The following NUDT19 variants were observed in gnomAD, a reference collection of about 807,000 sequenced individuals.
NUDT19 encodes nudix hydrolase 19.
Under a neutral mutation model 22.2 loss-of-function variants are expected in NUDT19, and 31 were observed. The ratio of observed to expected loss-of-function variants is 1.40; its 90% CI spans 1.05 to 1.89. The LOEUF (loss-of-function observed/expected upper bound fraction) is 1.89, where lower values mean the gene tolerates loss of function less well. Ranked by LOEUF, NUDT19 falls within the 40% of genes most tolerant of loss-of-function variation. NUDT19 has a pLI of 0.00. For missense variants in NUDT19, 752 were observed against 514.2 expected, an observed-to-expected ratio of 1.46 and a Z score of -4.47; for synonymous variants, 325 against 230.8, an observed-to-expected ratio of 1.41 and a Z score of -3.70.
chr19:32,701,721 T>A (rs946337648), intron 1 of NUDT19, among the ~76,000 whole-genome samples: 3 of 152,246 alleles, frequency 2.0e-5, no homozygotes, highest in Admixed American at 2.0e-4. Flanking sequence ...AATATCCTTC[T>A]TTATTCCTGG....
intron 1 of NUDT19, among the ~76,000 whole-genome samples, chr19:32,696,236 T>G (rs1218847402): frequency 6.6e-6 from 1 of 152,136 alleles, no homozygotes; most frequent in Non-Finnish European, 1.5e-5. Flanking sequence ...GCCATAAACT[T>G]CCTTTGGCAC....
At chr19:32,702,394 T>C (rs1462612400) in intron 1 of NUDT19, among the ~76,000 whole-genome samples, 1 of 152,170 alleles carries the variant, frequency 6.6e-6, no homozygotes, top group Non-Finnish European at 1.5e-5. Flanking sequence ...CGGACTAGGC[T>C]GCCTTCAGCC....
At position 32,692,348 on chromosome 19, in the gene NUDT19, C is replaced by G. The variant is rs749977972; in HGVS notation, c.388C>G (p.Arg130Gly). 2 of 1,590,552 alleles carry G rather than the reference C, an allele frequency of 1.3e-6. No individual in the cohort carries two copies. The highest frequency in any genetic ancestry group is 1.7e-6 in the Non-Finnish European group (2 of 1,176,370). ...EDVAFRICAV[R>G]EAFEEAGVLL... ...CGTAGCCTTCCGCATCTGCGCCGTG[C>G]GGGAGGCCTTTGAGGAGGCGGGCGT... Residue 130 changes from arginine to glycine, a missense_variant, in exon 1 of 3, where the codon CGG becomes GGG. Transcript: ENST00000397061.
chr19:32,699,448 C>G (rs1968307135), intron 1 of NUDT19, among the ~76,000 whole-genome samples: 1 of 152,124 alleles, frequency 6.6e-6, no homozygotes, highest in Non-Finnish European at 1.5e-5. Flanking sequence ...CGCTGTCGAC[C>G]CTCGGCTCAG....
Position 32,692,565 on chromosome 19 carries a change from C to T in NUDT19, c.605C>T (p.Thr202Ile). The change falls in exon 1 of 3, where the codon ACC (threonine) becomes ATC (isoleucine). Residue 202 changes from threonine (T) to isoleucine (I), a missense_variant. Transcript: ENST00000397061. ...CTGCACAACTGGAGCGCCTGGCTCA[C>T]CCCTTTCTTGCGGGGCACCACTCGC... ...WALHNWSAWL[T>I]PFLRGTTRRF... The T allele has an allele frequency of 6.3e-7, 1 of 1,597,460 alleles. No homozygotes were observed. Among genetic ancestry groups the T allele is most frequent in the Non-Finnish European group, 8.5e-7 (1 of 1,173,960 alleles).
chr19:32,701,178 G>T (rs544785946), intron 1 of NUDT19, among the ~76,000 whole-genome samples: 1 of 144,194 alleles, frequency 6.9e-6, no homozygotes. Flanking sequence ...ATTAGGTTGA[G>T]TTGTTCATAG....
Position 32,701,638 on chromosome 19 carries a change from C to T in NUDT19, c.715-7547C>T, listed in dbSNP as rs930488717. ...TTTGGCTTCATGTATTTTGAAGCTC[C>T]CATGTAAGGTACTGACTGTATCTAC... On this transcript the variant is annotated intron_variant, in intron 1 of 2. Transcript: ENST00000397061. Among the ~76,000 whole-genome samples the T allele has an allele frequency of 1.6e-3, 240 of 152,126 alleles. 2 individuals carry two copies. Among genetic ancestry groups the T allele is most frequent in the African/African-American group, 5.6e-3 (231 of 41,412 alleles).
At chr19:32,702,148 G>A (rs1240313868) in intron 1 of NUDT19, among the ~76,000 whole-genome samples, 2 of 152,108 alleles carry the variant, frequency 1.3e-5, no homozygotes, top group African/African-American at 4.8e-5. Flanking sequence ...AAAAAGTTGC[G>A]ACCTGGGCCT....
intron 1 of NUDT19, among the ~76,000 whole-genome samples, chr19:32,697,195 A>C (rs567361975): frequency 6.6e-6 from 1 of 151,976 alleles, no homozygotes; most frequent in African/African-American, 2.4e-5. Flanking sequence ...CGGCCTTTCT[A>C]TTATCTCACT....
At position 32,694,363 on chromosome 19, in the gene NUDT19, C is replaced by G. The variant is rs147190066; in HGVS notation, c.714+1689C>G. Among the ~76,000 whole-genome samples, 677 of 152,340 alleles carry G rather than the reference C, an allele frequency of 4.4e-3. 4 individuals are homozygous for G. Among genetic ancestry groups the G allele is most frequent in the African/African-American group, 0.016 (656 of 41,588 alleles). ...CCTCCTTTCTCAGCAGTGAGGAGGT[C>G]TAGGCCTCGGGGGTTTTGGAGAGTC... On this transcript the variant is annotated intron_variant, in intron 1 of 2. Coordinates refer to ENST00000397061, the MANE Select transcript of NUDT19 (RefSeq NM_001105570.2).
chr19:32,698,732 C>T (rs780202959), intron 1 of NUDT19, among the ~76,000 whole-genome samples: 41 of 152,318 alleles, frequency 2.7e-4, no homozygotes, highest in African/African-American at 8.4e-4. Flanking sequence ...TTTCGTGGCC[C>T]TTACCAACAC....
intron 1 of NUDT19, among the ~76,000 whole-genome samples, chr19:32,693,709 G>A (rs10425315): frequency 0.053 from 8,074 of 152,246 alleles, 375 homozygotes; most frequent in African/African-American, 0.12. Flanking sequence ...ACTGATTGGT[G>A]CATTTACAAA....
Position 32,712,956 on chromosome 19 carries a change from G to T in NUDT19, c.*999G>T, listed in dbSNP as rs1364324515. 1 of 152,108 alleles carries T rather than the reference G, an allele frequency of 6.6e-6. No individual in the cohort carries two copies. The highest frequency in any genetic ancestry group is 2.4e-5 in the African/African-American group (1 of 41,432). 9.4% of individuals were successfully genotyped at this position (152,108 alleles called of 1,614,324 possible). A position where few individuals can be genotyped will look rare whatever the true frequency, so the allele number is the denominator to read the frequency against. ...TGGAGGTTGATCAATGAATTTCTGAGACTTTCTGCTGGAATTACTTTAAGG... is the reference window on the plus strand; with the variant it reads ...TGGAGGTTGATCAATGAATTTCTGATACTTTCTGCTGGAATTACTTTAAGG... On this transcript the variant is annotated 3_prime_UTR_variant, in exon 3 of 3. Transcript: ENST00000397061.
chr19:32,695,701 GT>G (rs1968255373), intron 1 of NUDT19, among the ~76,000 whole-genome samples: 1 of 152,148 alleles, frequency 6.6e-6, no homozygotes, highest in Non-Finnish European at 1.5e-5. Context: ...ACCTCCTTGG[GT>G]TTTTGCATTG....
intron 2 of NUDT19, 99 bp downstream of exon 2, chr19:32,709,491 G>C: frequency 1.1e-6 from 1 of 940,866 alleles, no homozygotes; most frequent in Non-Finnish European, 1.7e-6. Flanking sequence ...ATTACAGTCT[G>C]TGTTTTGTAA....
intron 1 of NUDT19, 94 bp downstream of exon 1, chr19:32,692,768 G>A (rs1314696048): frequency 3.1e-5 from 28 of 902,934 alleles, no homozygotes; most frequent in Non-Finnish European, 4.2e-5. Context: ...CCCCGCATAG[G>A]CCAAGCCCAG....
At position 32,712,097 on chromosome 19, in the gene NUDT19, CAG is replaced by C. The variant is rs1968453662; in HGVS notation, c.*143_*144del. ...CAGTATTTCTTTATTTTTTTCGAGA[CAG>C]AGTCTCAATCTGTCGCCCAGGCTGG... is the stretch of plus-strand genomic sequence containing the variant. On this transcript the variant is annotated 3_prime_UTR_variant, in exon 3 of 3. Coordinates refer to ENST00000397061, the MANE Select transcript of NUDT19 (RefSeq NM_001105570.2). 4.6e-6 allele frequency: 3 copies of C among 658,330 alleles called. No homozygotes were observed. The highest frequency in any genetic ancestry group is 3.6e-5 in the African/African-American group (2 of 54,898). 40.8% of individuals were successfully genotyped at this position (658,330 alleles called of 1,614,324 possible). A position where few individuals can be genotyped will look rare whatever the true frequency, so the allele number is the denominator to read the frequency against.
At chr19:32,706,585 A>G (rs1968389564) in intron 1 of NUDT19, among the ~76,000 whole-genome samples, 2 of 152,322 alleles carry the variant, frequency 1.3e-5, no homozygotes, top group South Asian at 4.1e-4. Context: ...CGGGAGGCTG[A>G]GACAGGAAAA....
At chr19:32,701,765 CTGTT>C (rs1968338728) in intron 1 of NUDT19, among the ~76,000 whole-genome samples, 1 of 152,126 alleles carries the variant, frequency 6.6e-6, no homozygotes, top group Admixed American at 6.6e-5. Flanking sequence ...GAAGTTTACT[CTGTT>C]TGATATTAAT....
Sources: allele counts gnomAD v4.1 joint callset (sites outside exome capture counted in the v4.1 genomes callset), GRCh38; gene constraint gnomAD v4.1.1; transcripts MANE v1.5; gene names NCBI Gene and HGNC (gene_info 2026-07-23, HGNC 2026-07-21).